Variants in IMMT observed in about 807,000 individuals in gnomAD.
The protein encoded by IMMT is inner membrane mitochondrial protein.
Under a neutral mutation model 92.7 loss-of-function variants are expected in IMMT, and 40 were observed. The observed-to-expected ratio is 0.43, with a 90% CI of 0.34 to 0.56. The LOEUF (loss-of-function observed/expected upper bound fraction) is 0.56, where lower values mean the gene tolerates loss of function less well. IMMT is among the 20% of genes least tolerant of loss of function. IMMT has a pLI of 0.03. For missense variants in IMMT, 831 were observed against 912.1 expected (o/e 0.91, Z 1.14); for synonymous variants, 322 against 336.1 (o/e 0.96, Z 0.46).
intron 10 of IMMT, chr2:86,158,316 CTT>C (rs928051033): frequency 8.9e-5 from 19 of 213,170 alleles, no homozygotes; most frequent in Middle Eastern, 1.7e-3. Flanking sequence ...AAATTCCAAA[CTT>C]TTTTTTTTTG....
At position 86,147,643 on chromosome 2, in the gene IMMT, G is replaced by A. The variant is rs1240414068; in HGVS notation, c.1533+59C>T. ...TCCTCAGAGTACATTAAAAGGAAAG[G>A]AGAGTCTCTTAATCCTGTCAGGAAG... On this transcript the variant is annotated intron_variant, in intron 13 of 14. Coordinates refer to ENST00000410111, the MANE Select transcript of IMMT (RefSeq NM_006839.3). 3.3e-6 allele frequency: 5 copies of A among 1,521,440 alleles called. No individual in the cohort carries two copies. In the South Asian group the frequency reaches 6.1e-5, roughly 19 times the overall value. The allele number at this position is 1,521,440 out of a possible 1,614,324, so 94.2% of individuals were successfully genotyped here.
At chr2:86,148,335 G>A (rs749315129) in intron 12 of IMMT, among the ~76,000 whole-genome samples, 6 of 152,166 alleles carry the variant, frequency 3.9e-5, no homozygotes, top group Non-Finnish European at 5.9e-5. Flanking sequence ...TTGGCCGGGC[G>A]TGGTGGCTCA....
intron 7 of IMMT, among the ~76,000 whole-genome samples, chr2:86,162,340 TG>T (rs951756414): frequency 6.0e-5 from 7 of 116,278 alleles, no homozygotes; most frequent in East Asian, 4.2e-4. Context: ...TAAGGAGAGT[TG>T]TTTTTTTTTT....
At chr2:86,172,742 T>C (rs1025768652) in intron 4 of IMMT, among the ~76,000 whole-genome samples, 2 of 152,142 alleles carry the variant, frequency 1.3e-5, no homozygotes, top group Non-Finnish European at 2.9e-5. Context: ...TCTAGCCTCA[T>C]TTGCCCTTTG....
Position 86,145,398 on chromosome 2 carries a change from G to T in IMMT, c.1664-517C>A, listed in dbSNP as rs1022433059. Among the ~76,000 whole-genome samples the T allele has an allele frequency of 2.6e-5, 4 of 151,026 alleles. No individual in the cohort carries two copies. The East Asian group carries it at 7.9e-4, about 30-fold the overall frequency. ...TATTCCCAGCTACTCAGGAGTCTGA[G>T]GCAGGAGAATCGCTTGAACCCAGGA... On this transcript the variant is annotated intron_variant, in intron 14 of 14. Transcript: ENST00000410111.
intron 3 of IMMT, among the ~76,000 whole-genome samples, chr2:86,176,020 G>A (rs1370470194): frequency 2.6e-5 from 4 of 152,210 alleles, no homozygotes; most frequent in Non-Finnish European, 5.9e-5. Flanking sequence ...TTGTAATGAA[G>A]GGCAACTGGT....
chr2:86,167,277 T>C (rs1361044449), intron 6 of IMMT, among the ~76,000 whole-genome samples: 1 of 144,260 alleles, frequency 6.9e-6, no homozygotes, highest in Non-Finnish European at 1.5e-5. Flanking sequence ...GTTCACGCCA[T>C]TCTCCTACCT....
At chr2:86,171,145 G>T in intron 5 of IMMT, 63 bp downstream of exon 5, 1 of 1,378,382 alleles carries the variant, frequency 7.3e-7, no homozygotes. Context: ...GTGTTGCCTA[G>T]GCATTAAATA....
intron 10 of IMMT, among the ~76,000 whole-genome samples, chr2:86,155,196 C>T (rs1675770081): frequency 6.6e-6 from 1 of 152,092 alleles, no homozygotes; most frequent in Non-Finnish European, 1.5e-5. Context: ...TTGCATTCAA[C>T]AAGTCCAAAG....
At chr2:86,169,895 A>C (rs1676966874) in intron 6 of IMMT, among the ~76,000 whole-genome samples, 1 of 151,972 alleles carries the variant, frequency 6.6e-6, no homozygotes, top group Non-Finnish European at 1.5e-5. Context: ...CTTAAAAACA[A>C]ACAAACAAAA....
intron 3 of IMMT, among the ~76,000 whole-genome samples, chr2:86,178,153 A>G (rs1202395310): frequency 6.6e-6 from 1 of 151,290 alleles, no homozygotes; most frequent in African/African-American, 2.4e-5. Flanking sequence ...GTCTCTACTA[A>G]AAAAAATACA....
Position 86,179,489 on chromosome 2 carries a change from G to A in IMMT, c.253C>T (p.Leu85Phe). 1 of 1,613,260 alleles carries A rather than the reference G, an allele frequency of 6.2e-7. No homozygotes were observed. The highest frequency in any genetic ancestry group is 8.5e-7 in the Non-Finnish European group (1 of 1,179,636). The change falls in exon 3 of 15, where the codon CTC (leucine) becomes TTC (phenylalanine). Residue 85 changes from leucine to phenylalanine, a missense_variant. Physicochemically the swap from Leu to Phe is conservative, Grantham distance 22. Transcript: ENST00000410111. ...GCAGGACCAAGAACCATCTCGAAGA[G>A]TTTGTCTGAGTAAGGTATGGTTTTC... ...VEKTIPYSDKLFEMVLGPAAY... is the reference protein window; with the variant it reads ...VEKTIPYSDKFFEMVLGPAAY...
intron 10 of IMMT, among the ~76,000 whole-genome samples, chr2:86,157,743 G>A (rs1169681327): frequency 2.1e-5 from 3 of 146,198 alleles, no homozygotes; most frequent in African/African-American, 2.5e-5. Flanking sequence ...AGCCAAGATC[G>A]CGCCATTGCA....
Position 86,144,561 on chromosome 2 carries a change from A to C in IMMT, c.1984T>G (p.Tyr662Asp). 1 of 1,614,030 alleles carries C rather than the reference A, an allele frequency of 6.2e-7. No individual in the cohort carries two copies. Among genetic ancestry groups the C allele is most frequent in the Non-Finnish European group, 8.5e-7 (1 of 1,179,898 alleles). Reference sequence around the variant, plus strand: ...GGGAATAGGAGCAGGGACTGTAGGTAGGAGAGGAAGTACTGGTACAAGCTA... The same window carrying C: ...GGGAATAGGAGCAGGGACTGTAGGTCGGAGAGGAAGTACTGGTACAAGCTA... ...RNSLYQYFLSYLQSLLLFPPQ... is the reference protein window; with the variant it reads ...RNSLYQYFLSDLQSLLLFPPQ... Residue 662 changes from tyrosine (Y) to aspartate (D), a missense_variant, in exon 15 of 15, where the codon TAC (tyrosine) becomes GAC (aspartate). By Grantham distance (160) the Tyr-to-Asp change is radical (BLOSUM62 -3). Transcript: ENST00000410111.
At chr2:86,192,374 G>A (rs1056239309) in intron 1 of IMMT, among the ~76,000 whole-genome samples, 4 of 151,794 alleles carry the variant, frequency 2.6e-5, no homozygotes, top group African/African-American at 7.3e-5. Context: ...TTGGGAGGCC[G>A]AGGTGGGCAT....
intron 11 of IMMT, among the ~76,000 whole-genome samples, 184 bp from the exon 12 acceptor site, chr2:86,151,704 C>A (rs549833456): frequency 6.6e-6 from 1 of 152,316 alleles, no homozygotes; most frequent in Non-Finnish European, 1.5e-5. Flanking sequence ...AAGGTATTTT[C>A]AACCCCTGGC....
chr2:86,148,122 A>G (rs1675173267), intron 12 of IMMT, among the ~76,000 whole-genome samples: 1 of 152,218 alleles, frequency 6.6e-6, no homozygotes, highest in Admixed American at 6.5e-5. Flanking sequence ...CTCATATAAA[A>G]CACTGCCATT....
At chr2:86,173,939 G>A (rs1030238967) in intron 3 of IMMT, among the ~76,000 whole-genome samples, 178 bp from the exon 4 acceptor site, 1 of 152,126 alleles carries the variant, frequency 6.6e-6, no homozygotes, top group Non-Finnish European at 1.5e-5. Flanking sequence ...CTAGAAAAGT[G>A]CAGTTCAAAA....
In IMMT at chr2:86,164,527, C is replaced by A. The variant is rs544271950; in HGVS notation, c.792+1981G>T. Reference sequence around the variant, plus strand: ...CCAACATAGTGAAACCCTCTCTGTACGAAAAATACAAAAATTAGCCAGGTG... The same window carrying A: ...CCAACATAGTGAAACCCTCTCTGTAAGAAAAATACAAAAATTAGCCAGGTG... On this transcript the variant is annotated intron_variant, in intron 7 of 14. Transcript: ENST00000410111. 2.6e-5 allele frequency among the ~76,000 whole-genome samples: 4 copies of A among 151,702 alleles called. 1 individual carries two copies. The East Asian group carries it at 7.8e-4, about 30-fold the overall frequency.
Sources: gnomAD v4.1 joint callset for allele counts (sites outside exome capture counted in the v4.1 genomes callset) on GRCh38, gnomAD v4.1.1 for gene constraint, MANE v1.5 for transcripts, NCBI Gene and HGNC (gene_info 2026-07-23, HGNC 2026-07-21) for gene names.